NTM: variants seen among roughly 807,000 people sequenced by gnomAD.
The protein encoded by NTM is neurotrimin.
A neutral mutation model predicts 42.1 loss-of-function variants in NTM; 13 were observed. That is an observed-to-expected ratio of 0.31 (90% CI 0.20 to 0.49). The LOEUF (loss-of-function observed/expected upper bound fraction) is 0.49. Ranked by LOEUF, NTM falls within the 20% of genes least tolerant of loss-of-function variation. The pLI, the probability that NTM is intolerant of heterozygous loss-of-function variation, is 0.99. For missense variants in NTM, 373 were observed against 452.8 expected (o/e 0.82, Z 1.60); for synonymous variants, 187 against 179.2 (o/e 1.04, Z -0.35).
At chr11:132,131,947 C>T (rs576053012) in intron 2 of NTM, among the ~76,000 whole-genome samples, 1 of 152,128 alleles carries the variant, frequency 6.6e-6, no homozygotes, top group Non-Finnish European at 1.5e-5. Context: ...AAATAACTAG[C>T]TCTTCTACAG....
At chr11:131,737,391 T>C (rs1207318610) in intron 1 of NTM, among the ~76,000 whole-genome samples, 1 of 152,216 alleles carries the variant, frequency 6.6e-6, no homozygotes, top group Non-Finnish European at 1.5e-5. Flanking sequence ...AGAAGAACCT[T>C]TGTTCTGAAG....
At chr11:131,630,059 G>A (rs555862633) in intron 1 of NTM, among the ~76,000 whole-genome samples, 3 of 152,190 alleles carry the variant, frequency 2.0e-5, no homozygotes, top group Non-Finnish European at 4.4e-5. Flanking sequence ...AGGTCAAAGA[G>A]CATAAGCCAA....
At chr11:131,453,518 A>T (rs1389364293) in intron 1 of NTM, among the ~76,000 whole-genome samples, 2 of 149,512 alleles carry the variant, frequency 1.3e-5, no homozygotes, top group Non-Finnish European at 3.0e-5. Context: ...ACAAAGCGAC[A>T]AGTACAACGG....
chr11:131,596,323 T>G (rs1414303054), intron 1 of NTM, among the ~76,000 whole-genome samples: 4 of 152,138 alleles, frequency 2.6e-5, no homozygotes, highest in Admixed American at 2.6e-4. Flanking sequence ...TAGTAAAGAG[T>G]GAGACAGTGA....
intron 1 of NTM, among the ~76,000 whole-genome samples, chr11:131,532,536 A>C (rs1480151502): frequency 6.6e-6 from 1 of 152,212 alleles, no homozygotes; most frequent in Non-Finnish European, 1.5e-5. Flanking sequence ...ACTGGTCTAC[A>C]TGTATCTGTT....
At chr11:132,021,704 C>T (rs1436651734) in intron 2 of NTM, among the ~76,000 whole-genome samples, 1 of 152,080 alleles carries the variant, frequency 6.6e-6, no homozygotes, top group East Asian at 1.9e-4. Context: ...CCATAGGTTG[C>T]CCCCCAGGAC....
intron 2 of NTM, among the ~76,000 whole-genome samples, chr11:132,022,815 G>A (rs1565966411): frequency 2.0e-5 from 3 of 152,200 alleles, no homozygotes; most frequent in Admixed American, 6.5e-5. Flanking sequence ...AGATTTGAAA[G>A]ATGCAATTCA....
chr11:131,634,532 G>A (rs538121651), intron 1 of NTM, among the ~76,000 whole-genome samples: 53 of 152,152 alleles, frequency 3.5e-4, no homozygotes, highest in Non-Finnish European at 6.8e-4. Context: ...GATGTTGAAC[G>A]CTTGCAGACT....
intron 2 of NTM, among the ~76,000 whole-genome samples, chr11:132,060,350 A>G (rs2080451291): frequency 6.6e-6 from 1 of 152,212 alleles, no homozygotes. Flanking sequence ...ACAAGGAGAC[A>G]TTATCCTCCA....
intron 1 of NTM, among the ~76,000 whole-genome samples, chr11:131,464,314 C>T (rs1951683027): frequency 6.6e-6 from 1 of 151,872 alleles, no homozygotes; most frequent in African/African-American, 2.4e-5. Context: ...TCTGTCAGGA[C>T]ACCTGGCCCC....
chr11:132,052,828 A>G (rs1301433281), intron 2 of NTM, among the ~76,000 whole-genome samples: 2 of 151,104 alleles, frequency 1.3e-5, no homozygotes, highest in East Asian at 4.0e-4. Flanking sequence ...ACCTTTTAGT[A>G]ATGTTTCACA....
At chr11:131,644,677 T>C (rs367568192) in intron 1 of NTM, among the ~76,000 whole-genome samples, 10 of 152,348 alleles carry the variant, frequency 6.6e-5, no homozygotes, top group Admixed American at 3.9e-4. Context: ...GATAAGGGGC[T>C]TAGGTTGTAG....
chr11:132,178,644 G>A (rs1417641612), intron 3 of NTM, among the ~76,000 whole-genome samples: 1 of 152,140 alleles, frequency 6.6e-6, no homozygotes, highest in East Asian at 1.9e-4. Context: ...TTGACGCCTT[G>A]TGTATTTTTT....
chr11:131,756,061 G>A (rs2083290824), intron 1 of NTM, among the ~76,000 whole-genome samples: 1 of 152,182 alleles, frequency 6.6e-6, no homozygotes, highest in South Asian at 2.1e-4. Flanking sequence ...GCCAGCATTG[G>A]CTCTAATTCT....
intron 1 of NTM, among the ~76,000 whole-genome samples, chr11:131,788,385 T>C (rs1276333020): frequency 6.6e-6 from 1 of 152,068 alleles, no homozygotes; most frequent in Non-Finnish European, 1.5e-5. Flanking sequence ...TATATGGAGA[T>C]TTATACCTAA....
chr11:132,205,753 C>A (rs1471548753), intron 3 of NTM, among the ~76,000 whole-genome samples: 1 of 152,198 alleles, frequency 6.6e-6, no homozygotes, highest in African/African-American at 2.4e-5. Flanking sequence ...GTTCTTACCC[C>A]TCTGCTCTTT....
At chr11:131,453,822 C>A (rs540283074) in intron 1 of NTM, among the ~76,000 whole-genome samples, 1 of 152,308 alleles carries the variant, frequency 6.6e-6, no homozygotes, top group South Asian at 2.1e-4. Context: ...ACTCCAACAT[C>A]CACATGTCCC....
At chr11:131,756,340 T>C (rs1450251058) in intron 1 of NTM, among the ~76,000 whole-genome samples, 1 of 151,986 alleles carries the variant, frequency 6.6e-6, no homozygotes, top group Non-Finnish European at 1.5e-5. Flanking sequence ...TTCCAGCATT[T>C]TGGGAGGCCA....
intron 1 of NTM, among the ~76,000 whole-genome samples, chr11:131,740,249 G>A (rs923357983): frequency 2.0e-5 from 3 of 152,164 alleles, no homozygotes; most frequent in African/African-American, 7.2e-5. Flanking sequence ...CGGCATCCAT[G>A]TGCCTCGATT....
Sources: gnomAD v4.1 joint callset for allele counts (sites outside exome capture counted in the v4.1 genomes callset) on GRCh38, gnomAD v4.1.1 for gene constraint, MANE v1.5 for transcripts, NCBI Gene and HGNC (gene_info 2026-07-23, HGNC 2026-07-21) for gene names.